The following EDA variants were observed in gnomAD, a reference collection of about 807,000 sequenced individuals.
The protein encoded by EDA is ectodysplasin-A.
A neutral mutation model predicts 23.6 loss-of-function variants in EDA; 2 were observed. The observed-to-expected ratio is 0.08, with a 90% CI of 0.03 to 0.27. The LOEUF is 0.27. EDA is among the 10% of genes least tolerant of loss of function. The pLI is 1.00. For missense variants in EDA, 229 were observed against 324.2 expected, an observed-to-expected ratio of 0.71 and a Z score of 2.26; for synonymous variants, 131 against 132.0, an observed-to-expected ratio of 0.99 and a Z score of 0.05.
intron 2 of EDA, among the ~76,000 whole-genome samples, chrX:69,974,956 A>T (rs771399008): frequency 1.8e-5 from 2 of 111,931 alleles, no homozygotes; most frequent in Non-Finnish European, 3.8e-5. Context: ...TTAAAAAGTC[A>T]AAAAATAACA....
At chrX:69,637,670 T>C (rs1932792667) in intron 1 of EDA, among the ~76,000 whole-genome samples, 1 of 111,392 alleles carries the variant, frequency 9.0e-6, no homozygotes, top group Admixed American at 9.6e-5. Flanking sequence ...CCACTAGTCT[T>C]CTCCATTTCT....
chrX:69,732,114 T>C (rs1163800691), intron 1 of EDA, among the ~76,000 whole-genome samples: 1 of 110,780 alleles, frequency 9.0e-6, no homozygotes, highest in East Asian at 2.8e-4. Context: ...ATTTATTTTA[T>C]TATACTTTTA....
chrX:69,916,786 A>T (rs1051905328), intron 1 of EDA, among the ~76,000 whole-genome samples: 21 of 110,698 alleles, frequency 1.9e-4, no homozygotes, highest in Admixed American at 1.6e-3. Context: ...CTGGTATAAT[A>T]ATACTCTTTA....
chrX:69,787,596 C>T (rs1334989789), intron 1 of EDA, among the ~76,000 whole-genome samples: 2 of 109,025 alleles, frequency 1.8e-5, no homozygotes, highest in Non-Finnish European at 3.8e-5. Flanking sequence ...AAATTCTTTT[C>T]TTTAGGAATG....
At chrX:69,763,873 C>G (rs2014385024) in intron 1 of EDA, among the ~76,000 whole-genome samples, 1 of 111,757 alleles carries the variant, frequency 8.9e-6, no homozygotes, top group Admixed American at 9.5e-5. Context: ...AGTTTTGAGG[C>G]TTTAGACTTT....
At chrX:69,945,032 GCC>G (rs2018814546) in intron 1 of EDA, among the ~76,000 whole-genome samples, 1 of 112,258 alleles carries the variant, frequency 8.9e-6, no homozygotes, top group Non-Finnish European at 1.9e-5. Context: ...GTGCCACATG[GCC>G]ACTGTTGGGG....
At chrX:69,674,015 C>G (rs746333876) in intron 1 of EDA, among the ~76,000 whole-genome samples, 10 of 111,874 alleles carry the variant, frequency 8.9e-5, no homozygotes, top group African/African-American at 3.2e-4. Flanking sequence ...TCTCAACTCT[C>G]TTCTTCCTTT....
intron 1 of EDA, among the ~76,000 whole-genome samples, chrX:69,878,859 G>T (rs2017692285): frequency 9.1e-6 from 1 of 110,187 alleles, no homozygotes; most frequent in Admixed American, 9.7e-5. Context: ...AGGCCTTCTT[G>T]CCTCCGTCGG....
intron 1 of EDA, among the ~76,000 whole-genome samples, chrX:69,929,432 C>T (rs1446050537): frequency 9.0e-6 from 1 of 110,944 alleles, no homozygotes; most frequent in African/African-American, 3.3e-5. Flanking sequence ...ACAGAGTGAG[C>T]GAATGATAAT....
At chrX:69,859,234 A>G (rs1363012970) in intron 1 of EDA, among the ~76,000 whole-genome samples, 1 of 108,943 alleles carries the variant, frequency 9.2e-6, no homozygotes, top group African/African-American at 3.3e-5. Context: ...TATCTCCTTC[A>G]GTTCACCTCT....
At chrX:69,953,356 A>G (rs1027579458) in intron 1 of EDA, among the ~76,000 whole-genome samples, 10 of 112,372 alleles carry the variant, frequency 8.9e-5, no homozygotes, top group Admixed American at 8.5e-4. Context: ...ACAGTACTTC[A>G]CATCCACCAG....
At chrX:69,675,954 G>A (rs897429789) in intron 1 of EDA, among the ~76,000 whole-genome samples, 2 of 111,195 alleles carry the variant, frequency 1.8e-5, no homozygotes, top group African/African-American at 6.5e-5. Flanking sequence ...TATGGGAGAG[G>A]ATAAGGGAGC....
chrX:69,988,720 G>T (rs765990586), intron 2 of EDA, among the ~76,000 whole-genome samples: 2 of 110,213 alleles, frequency 1.8e-5, no homozygotes, highest in Admixed American at 9.6e-5. Flanking sequence ...GCCGGGCGTG[G>T]TGGCAGGCAC....
intron 1 of EDA, among the ~76,000 whole-genome samples, chrX:69,652,620 T>C (rs1429382672): frequency 8.9e-6 from 1 of 111,931 alleles, no homozygotes; most frequent in Non-Finnish European, 1.9e-5. Context: ...TTCACCATTC[T>C]TGTCTTTGAC....
At chrX:69,709,096 C>T (rs940494733) in intron 1 of EDA, among the ~76,000 whole-genome samples, 1 of 111,977 alleles carries the variant, frequency 8.9e-6, no homozygotes, top group Non-Finnish European at 1.9e-5. Context: ...CTGGGCTTTC[C>T]ATCAGCTTAA....
At chrX:70,018,944 A>G (rs764775969) in intron 2 of EDA, among the ~76,000 whole-genome samples, 1 of 112,231 alleles carries the variant, frequency 8.9e-6, no homozygotes, top group Non-Finnish European at 1.9e-5. Context: ...CAAACAATGT[A>G]TCTGACAAAG....
At chrX:69,774,215 G>A (rs1480699771) in intron 1 of EDA, among the ~76,000 whole-genome samples, 1 of 111,852 alleles carries the variant, frequency 8.9e-6, no homozygotes, top group Non-Finnish European at 1.9e-5. Context: ...CTGTGGCCTT[G>A]GGTAGTTCCC....
intron 1 of EDA, among the ~76,000 whole-genome samples, chrX:69,830,094 T>G (rs773234009): frequency 1.5e-3 from 173 of 111,796 alleles, no homozygotes; most frequent in African/African-American, 5.4e-3. Context: ...ATATTCTTTC[T>G]TCTTTCTTCC....
At chrX:69,787,650 C>A (rs1050348525) in intron 1 of EDA, among the ~76,000 whole-genome samples, 2 of 111,413 alleles carry the variant, frequency 1.8e-5, no homozygotes, top group African/African-American at 6.5e-5. Context: ...AGAGTTTCTG[C>A]CGAGAGATCC....
Sources: gnomAD v4.1 joint callset for allele counts (sites outside exome capture counted in the v4.1 genomes callset) on GRCh38, gnomAD v4.1.1 for gene constraint, MANE v1.5 for transcripts, NCBI Gene and HGNC (gene_info 2026-07-23, HGNC 2026-07-21) for gene names.